Variants in TSPAN18 observed in about 807,000 individuals in gnomAD.
The protein encoded by TSPAN18 is tetraspanin 18, also known as tetraspanin-18.
Under a neutral mutation model 27.3 loss-of-function variants are expected in TSPAN18, and 14 were observed. The ratio of observed to expected loss-of-function variants is 0.51; its 90% CI spans 0.34 to 0.80. The LOEUF (loss-of-function observed/expected upper bound fraction) is 0.80, where lower values mean the gene tolerates loss of function less well. Ranked by LOEUF, TSPAN18 falls within the 30% of genes least tolerant of loss-of-function variation. The pLI is 0.01. For synonymous variants in TSPAN18, 143 were observed against 136.5 expected, an observed-to-expected ratio of 1.05 and a Z score of -0.33; for missense variants, 268 against 323.9, an observed-to-expected ratio of 0.83 and a Z score of 1.32.
intron 2 of TSPAN18, among the ~76,000 whole-genome samples, chr11:44,815,577 T>C (rs1008184554): frequency 6.6e-6 from 1 of 152,178 alleles, no homozygotes; most frequent in African/African-American, 2.4e-5. Flanking sequence ...TCAACAATTA[T>C]GTATTGAGCA....
chr11:44,799,586 G>C (rs984502781), intron 2 of TSPAN18, among the ~76,000 whole-genome samples: 1 of 152,178 alleles, frequency 6.6e-6, no homozygotes, highest in East Asian at 1.9e-4. Context: ...ACCCTCCCAG[G>C]CCTATTGCGT....
At chr11:44,763,728 A>G (rs1235692498) in intron 1 of TSPAN18, among the ~76,000 whole-genome samples, 2 of 152,220 alleles carry the variant, frequency 1.3e-5, no homozygotes, top group African/African-American at 4.8e-5. Context: ...CAATGCCATC[A>G]CATGGATATA....
At chr11:44,901,942 C>T (rs1426348052) in intron 3 of TSPAN18, among the ~76,000 whole-genome samples, 1 of 152,228 alleles carries the variant, frequency 6.6e-6, no homozygotes, top group Non-Finnish European at 1.5e-5. Flanking sequence ...GCGGAGTTGG[C>T]ATGTGACTGG....
intron 3 of TSPAN18, chr11:44,897,894 A>ATC (rs1859121441): frequency 7.8e-7 from 1 of 1,279,446 alleles, no homozygotes; most frequent in Non-Finnish European, 1.0e-6. Context: ...ACACGGTCCC[A>ATC]TCTCCACTCT....
In TSPAN18 at chr11:44,797,264, G is replaced by A. The variant is rs548000038; in HGVS notation, c.-153+32752G>A. The stretch of plus-strand genomic sequence containing the variant: ...AACCGAGAGGTTCCAAGAAGTTGAC[G>A]CCCCTAAAAGTCACGTGGCCAGTGA... On this transcript the variant is annotated intron_variant, in intron 2 of 9. Coordinates refer to ENST00000520358, the MANE Select transcript of TSPAN18 (RefSeq NM_130783.5). Among the ~76,000 whole-genome samples the A allele has an allele frequency of 3.3e-5, 5 of 152,230 alleles. No individual in the cohort carries two copies. The East Asian group carries it at 5.8e-4, about 18-fold the overall frequency.
intron 3 of TSPAN18, among the ~76,000 whole-genome samples, chr11:44,879,435 G>T (rs147139754): frequency 4.6e-4 from 70 of 152,354 alleles, no homozygotes; most frequent in African/African-American, 1.6e-3. Context: ...AGAGGGGACA[G>T]ACAGTGATGG....
At chr11:44,795,082 A>T (rs1349929663) in intron 2 of TSPAN18, among the ~76,000 whole-genome samples, 1 of 48,358 alleles carries the variant, frequency 2.1e-5, no homozygotes, top group African/African-American at 8.0e-5. Flanking sequence ...CCCCACCCCC[A>T]CCCCCACCCC....
chr11:44,926,869 G>A, intron 9 of TSPAN18, 112 bp downstream of exon 9: 2 of 1,217,928 alleles, frequency 1.6e-6, no homozygotes, highest in Non-Finnish European at 2.4e-6. Context: ...GGACCCAAGG[G>A]GCCCCCACTG....
intron 3 of TSPAN18, chr11:44,886,324 A>G (rs1424726172): frequency 6.6e-6 from 1 of 152,242 alleles, no homozygotes; most frequent in Non-Finnish European, 1.5e-5. Context: ...AGTGAAATTG[A>G]TGGGACATTG....
chr11:44,792,326 G>A (rs1198911224), intron 2 of TSPAN18, among the ~76,000 whole-genome samples: 4 of 152,222 alleles, frequency 2.6e-5, no homozygotes, highest in Non-Finnish European at 5.9e-5. Context: ...GACAGTCGCA[G>A]GCAGAGGGGA....
At chr11:44,755,048 AG>A (rs1855300868) in intron 1 of TSPAN18, among the ~76,000 whole-genome samples, 1 of 152,140 alleles carries the variant, frequency 6.6e-6, no homozygotes. Context: ...GGGAGGCGTG[AG>A]GGGAAATGAT....
At chr11:44,783,636 G>A (rs1423522816) in intron 2 of TSPAN18, among the ~76,000 whole-genome samples, 1 of 151,960 alleles carries the variant, frequency 6.6e-6, no homozygotes. Flanking sequence ...TGACCTCGCA[G>A]TCCGCCTGCC....
At chr11:44,852,097 C>T (rs835805) in intron 2 of TSPAN18, among the ~76,000 whole-genome samples, 78,833 of 152,060 alleles carry the variant, frequency 0.52, 21,763 homozygotes, top group Non-Finnish European at 0.61. Flanking sequence ...CTGCCTTCTA[C>T]TGTAATGTCT....
At chr11:44,742,342 C>G (rs1015821326) in intron 1 of TSPAN18, among the ~76,000 whole-genome samples, 1 of 136,594 alleles carries the variant, frequency 7.3e-6, no homozygotes, top group Admixed American at 7.4e-5. Flanking sequence ...CCTTCCTTTC[C>G]TCCCTCCCTC....
Position 44,926,844 on chromosome 11 carries a change from C to A in TSPAN18, c.699+87C>A, listed in dbSNP as rs1012921136. 2.0e-6 allele frequency: 3 copies of A among 1,468,844 alleles called. No individual in the cohort carries two copies. In the Admixed American group the frequency reaches 5.1e-5, roughly 25 times the overall value. 91.0% of individuals were successfully genotyped at this position (1,468,844 alleles called of 1,614,324 possible). A position where few individuals can be genotyped will look rare whatever the true frequency, so the allele number is the denominator to read the frequency against. The stretch of plus-strand genomic sequence containing the variant: ...GATCCCCCCAGCCTCCTTTCCTCTT[C>A]ATTTCCTTCACCTGGGACCCAAGGG... On this transcript the variant is annotated intron_variant, in intron 9 of 9. Coordinates refer to ENST00000520358, the MANE Select transcript of TSPAN18 (RefSeq NM_130783.5).
chr11:44,905,517 C>T (rs536640253), intron 3 of TSPAN18, among the ~76,000 whole-genome samples: 8 of 152,164 alleles, frequency 5.3e-5, no homozygotes, highest in East Asian at 3.8e-4. Flanking sequence ...TCCTCAGAGC[C>T]GTTATGAAGA....
chr11:44,748,788 C>T (rs550875065), intron 1 of TSPAN18, among the ~76,000 whole-genome samples: 1 of 152,256 alleles, frequency 6.6e-6, no homozygotes, highest in Non-Finnish European at 1.5e-5. Flanking sequence ...GGAGGGGCGG[C>T]GGAAATCAAG....
chr11:44,921,574 T>C (rs1319392038), intron 8 of TSPAN18, among the ~76,000 whole-genome samples: 1 of 152,066 alleles, frequency 6.6e-6, no homozygotes, highest in African/African-American at 2.4e-5. Context: ...CACCCCTCCT[T>C]TTTTCTCTGG....
intron 2 of TSPAN18, among the ~76,000 whole-genome samples, chr11:44,829,722 A>G (rs1388806411): frequency 6.6e-6 from 1 of 152,164 alleles, no homozygotes; most frequent in Admixed American, 6.5e-5. Context: ...TTTGGATTAT[A>G]CAATAAGGGT....
Sources: allele counts gnomAD v4.1 joint callset (sites outside exome capture counted in the v4.1 genomes callset), GRCh38; gene constraint gnomAD v4.1.1; transcripts MANE v1.5; gene names NCBI Gene and HGNC (gene_info 2026-07-23, HGNC 2026-07-21).